Variants in ZNF362 observed in about 807,000 individuals in gnomAD.
ZNF362 encodes zinc finger protein 362.
Under a neutral mutation model 42.9 loss-of-function variants are expected in ZNF362, and 11 were observed. The ratio of observed to expected loss-of-function variants is 0.26; its 90% CI spans 0.16 to 0.42. ZNF362 has a LOEUF of 0.42. ZNF362 is among the 20% of genes least tolerant of loss of function. The pLI is 1.00. For missense variants in ZNF362, 362 were observed against 576.2 expected, an observed-to-expected ratio of 0.63 and a Z score of 3.81; for synonymous variants, 255 against 257.3, an observed-to-expected ratio of 0.99 and a Z score of 0.09.
chr1:33,241,495 C>CAA, the ZNF362 span, among the ~76,000 whole-genome samples: 69 of 91,098 alleles, frequency 7.6e-4, no homozygotes, highest in African/African-American at 2.4e-3. Flanking sequence ...AACTCCATCT[C>CAA]AAAAAAAAAA....
chr1:33,246,452 C>A, the ZNF362 span, among the ~76,000 whole-genome samples: 1 of 152,322 alleles, frequency 6.6e-6, no homozygotes. Flanking sequence ...CAGGCAGCAC[C>A]AATCGATGTT....
In ZNF362 at chr1:33,280,051, C is replaced by T; in HGVS notation, c.350-73C>T. ...AGGGGATGCTCGCCTGCCAAAATCA[C>T]ATAGCTGGGTGGGCAGCTGAGCTGG... On this transcript the variant is annotated intron_variant, in intron 4 of 8. Transcript: ENST00000539719. The surrounding 1 kb of genome is among the most constrained non-coding windows in gnomAD (Gnocchi z 5.6). 2.7e-6 allele frequency: 4 copies of T among 1,491,074 alleles called. No homozygotes were observed. Among genetic ancestry groups the T allele is most frequent in the Non-Finnish European group, 2.7e-6 (3 of 1,119,942 alleles). 92.4% of individuals were successfully genotyped at this position (1,491,074 alleles called of 1,614,324 possible). A position where few individuals can be genotyped will look rare whatever the true frequency, so the allele number is the denominator to read the frequency against.
chr1:33,134,940 C>T, the ZNF362 span, among the ~76,000 whole-genome samples: 6 of 152,320 alleles, frequency 3.9e-5, no homozygotes, highest in African/African-American at 1.4e-4. Flanking sequence ...CCCTCCCTGC[C>T]TCCAGCTGTG....
chr1:33,290,106 T>A (rs989508619), intron 6 of ZNF362, among the ~76,000 whole-genome samples: 1 of 152,076 alleles, frequency 6.6e-6, no homozygotes, highest in African/African-American at 2.4e-5. Flanking sequence ...TTTATTTTTT[T>A]ATTTATACTT....
the ZNF362 span, among the ~76,000 whole-genome samples, chr1:33,221,826 GGGGCAGTAGGATGCAGTGGAT>G: frequency 6.6e-6 from 1 of 152,160 alleles, no homozygotes; most frequent in Non-Finnish European, 1.5e-5. Flanking sequence ...CATGAACGAT[GGGGCAGTAGGATGCAGTGGAT>G]GGGCAGTAGG....
chr1:33,286,703 C>A (rs1247711471), intron 6 of ZNF362, among the ~76,000 whole-genome samples: 9 of 152,114 alleles, frequency 5.9e-5, no homozygotes, highest in Admixed American at 3.3e-4. Flanking sequence ...ATTCTTTAGA[C>A]AAACAAACAA....
the ZNF362 span, among the ~76,000 whole-genome samples, chr1:33,175,940 A>C: frequency 1.3e-5 from 2 of 152,160 alleles, no homozygotes; most frequent in African/African-American, 4.8e-5. Context: ...GGGGTCCCCA[A>C]TGTTGGCCCT....
chr1:33,267,968 C>G (rs1352724467), intron 1 of ZNF362, among the ~76,000 whole-genome samples: 3 of 152,218 alleles, frequency 2.0e-5, no homozygotes, highest in Non-Finnish European at 2.9e-5. Flanking sequence ...TACACTCCCA[C>G]CAATAATACA....
At chr1:33,170,427 A>G in the ZNF362 span, among the ~76,000 whole-genome samples, 1 of 152,056 alleles carries the variant, frequency 6.6e-6, no homozygotes, top group Non-Finnish European at 1.5e-5. Context: ...CCACTAGATT[A>G]TGGGCTCTTG....
the ZNF362 span, among the ~76,000 whole-genome samples, chr1:33,172,982 A>T: frequency 6.4e-4 from 98 of 152,280 alleles, 1 homozygote; most frequent in African/African-American, 2.3e-3. Flanking sequence ...CGCTGCACAC[A>T]ATAGGTGCTC....
chr1:33,227,604 A>G, the ZNF362 span, among the ~76,000 whole-genome samples: 4 of 152,162 alleles, frequency 2.6e-5, no homozygotes, highest in African/African-American at 9.6e-5. Context: ...ATCAAGAGGT[A>G]GAGATAAACC....
chr1:33,152,502 G>T, the ZNF362 span, among the ~76,000 whole-genome samples: 1 of 151,750 alleles, frequency 6.6e-6, no homozygotes, highest in East Asian at 1.9e-4. Context: ...GGGAGGCGGA[G>T]GTTGTGGTGA....
At chr1:33,189,661 A>ACG in the ZNF362 span, among the ~76,000 whole-genome samples, 722 of 20,000 alleles carry the variant, frequency 0.036, 25 homozygotes, top group South Asian at 0.11. Context: ...ATATATATAT[A>ACG]TATATATATA....
chr1:33,261,686 G>A (rs189698129), intron 1 of ZNF362: 1 of 152,358 alleles, frequency 6.6e-6, no homozygotes, highest in Admixed American at 6.5e-5. Flanking sequence ...TGACATTTAT[G>A]TATGCAATTC....
rs114024418 is a variant in ZNF362, at chr1:33,294,515, A to T, written c.909-422A>T. On this transcript the variant is annotated intron_variant, in intron 6 of 8. Transcript: ENST00000539719. The surrounding 1 kb of genome is among the most constrained non-coding windows in gnomAD (Gnocchi z 4.2). ...AGTGTCTGGGGCCAATTAGAGGGAG[A>T]TGTCTCCTTCTTCTTAGGGAAGGAG... 4.1e-4 allele frequency among the ~76,000 whole-genome samples: 63 copies of T among 152,192 alleles called. No homozygotes were observed. The highest frequency in any genetic ancestry group is 8.4e-4 in the Non-Finnish European group (57 of 68,010).
At chr1:33,142,125 C>T in the ZNF362 span, 1 of 152,406 alleles carries the variant, frequency 6.6e-6, no homozygotes, top group East Asian at 1.9e-4. Flanking sequence ...TCCCACCTCC[C>T]ACCTCCCTCC....
At chr1:33,160,060 G>A in the ZNF362 span, 8 of 1,328,728 alleles carry the variant, frequency 6.0e-6, no homozygotes, top group South Asian at 4.1e-5. Flanking sequence ...GAAAGGGCAC[G>A]CGTGGTGGGG....
chr1:33,174,999 ATG>A, the ZNF362 span, among the ~76,000 whole-genome samples: 1 of 39,620 alleles, frequency 2.5e-5, no homozygotes, highest in Non-Finnish European at 5.0e-5. Flanking sequence ...GCACACACAC[ATG>A]TATGTATATG....
chr1:33,189,709 G>GTGTATATATATATA, the ZNF362 span, among the ~76,000 whole-genome samples: 23 of 12,444 alleles, frequency 1.8e-3, 1 homozygote, highest in East Asian at 7.7e-3. Context: ...ACATATATAC[G>GTGTATATATATATA]TATATATATA....
Sources: gnomAD v4.1 joint callset for allele counts (sites outside exome capture counted in the v4.1 genomes callset) on GRCh38, gnomAD v4.1.1 for gene constraint, Gnocchi (gnomAD v3.1) non-coding constraint, MANE v1.5 for transcripts, NCBI Gene and HGNC (gene_info 2026-07-23, HGNC 2026-07-21) for gene names.